Variants in DNAH2 observed in about 807,000 individuals in gnomAD.
DNAH2 encodes the protein axonemal beta dynein heavy chain 2.
DNAH2 carries 323 observed loss-of-function variants against 523.5 expected under a neutral mutation model. That is an observed-to-expected ratio of 0.62 (90% CI 0.56 to 0.68). The LOEUF (loss-of-function observed/expected upper bound fraction) is 0.68, where lower values mean the gene tolerates loss of function less well. DNAH2 is among the 30% of genes least tolerant of loss of function. DNAH2 has a pLI of 0.00. For missense variants in DNAH2, 4,907 were observed against 5,701.5 expected (o/e 0.86, Z 4.49); for synonymous variants, 2,093 against 2,177.4 (o/e 0.96, Z 1.08).
At chr17:7,734,746 A>C in intron 7 of DNAH2, 38 bp downstream of exon 7, 1 of 1,599,522 alleles carries the variant, frequency 6.3e-7, no homozygotes, top group Non-Finnish European at 8.6e-7. Flanking sequence ...CTCAGCAAGA[A>C]GTGGGCAATG....
intron 4 of DNAH2, among the ~76,000 whole-genome samples, chr17:7,728,241 G>A (rs998445469): frequency 3.9e-5 from 6 of 152,254 alleles, no homozygotes; most frequent in Middle Eastern, 3.4e-3. Context: ...GGTAGAATCT[G>A]GGTGGTGGTC....
rs1474814390 is a variant in DNAH2 at position 7,804,892 on chromosome 17, A to G, written c.9184-66A>G. 2.9e-6 allele frequency: 4 copies of G among 1,363,992 alleles called. No homozygotes were observed. The African/African-American group carries it at 4.4e-5, about 15-fold the overall frequency. The allele number at this position is 1,363,992 out of a possible 1,614,324, so 84.5% of individuals were successfully genotyped here. A position where few individuals can be genotyped will look rare whatever the true frequency, so the allele number is the denominator to read the frequency against. On this transcript the variant is annotated intron_variant, in intron 59 of 85. Transcript: ENST00000572933. ...AGCTTTCTCTTTCATCTTTTCCACC[A>G]ACACCGTCACTCCCACCTTTGCCCA...
At position 7,759,612 on chromosome 17, in the gene DNAH2, T is replaced by C; in HGVS notation, c.2637+2T>C. ...GATCTGCAAGGAAGTGTGGCACAGG[T>C]AAGAACCACTTTGCCCCCAACATCT... On this transcript the variant is annotated splice_donor_variant, in intron 16 of 85. Coordinates refer to ENST00000572933, the MANE Select transcript of DNAH2 (RefSeq NM_020877.5). LOFTEE classifies it high-confidence loss of function. 1 of 1,612,608 alleles carries C rather than the reference T, an allele frequency of 6.2e-7. No individual in the cohort carries two copies. The highest frequency in any genetic ancestry group is 8.5e-7 in the Non-Finnish European group (1 of 1,179,142).
rs768892434 is a variant in DNAH2 at position 7,770,903 on chromosome 17, C to T, written c.4332C>T (p.Leu1444=). ...SLILEVIEMI[L]TVQRQWMYLE... ...TTTTGGAGGTTATTGAGATGATTCT[C>T]ACAGTGCAGCGTCAGTGGATGTACT... Residue 1444 remains leucine, a synonymous_variant, in exon 27 of 86, where the codon CTC becomes CTT. Transcript: ENST00000572933. The T allele has an allele frequency of 2.5e-5, 41 of 1,613,932 alleles. No individual in the cohort carries two copies. The South Asian group carries it at 3.3e-4, about 13-fold the overall frequency.
In DNAH2 at chr17:7,740,429, C is replaced by T. The variant is rs1235248997; in HGVS notation, c.1386C>T (p.Ala462=). 4.3e-6 allele frequency: 7 copies of T among 1,614,138 alleles called. No individual in the cohort carries two copies. In the South Asian group the frequency reaches 5.5e-5, roughly 13 times the overall value. The change falls in exon 10 of 86, where the codon GCC becomes GCT. Residue 462 remains alanine (A), a synonymous_variant. Coordinates refer to ENST00000572933, the MANE Select transcript of DNAH2 (RefSeq NM_020877.5). ...CTCTCCACCGGTGCAGGTTCCGTGC[C>T]GGAATCAAGGACCTGGAGGTGATGA... The part of the protein sequence containing the change: ...CWHEDYNKFR[A]GIKDLEVMTQ...
At chr17:7,776,695 TC>T in intron 31 of DNAH2, 83 bp from the exon 32 acceptor site, 1 of 1,094,876 alleles carries the variant, frequency 9.1e-7, no homozygotes, top group Non-Finnish European at 1.4e-6. Flanking sequence ...GGCACATGGT[TC>T]TTGAATTAGC....
intron 13 of DNAH2, 119 bp from the exon 14 acceptor site, chr17:7,758,376 C>A: frequency 7.7e-7 from 1 of 1,301,868 alleles, no homozygotes; most frequent in South Asian, 1.6e-5. Flanking sequence ...AGTCTAGAAT[C>A]TAGTCTAGAA....
rs536178873 is a variant in DNAH2 at position 7,793,757 on chromosome 17, C to A, written c.7570-497C>A. 3.9e-5 allele frequency among the ~76,000 whole-genome samples: 6 copies of A among 152,032 alleles called. No homozygotes were observed. In the South Asian group the frequency reaches 1.2e-3, roughly 32 times the overall value. On this transcript the variant is annotated intron_variant, in intron 48 of 85. Coordinates refer to ENST00000572933, the MANE Select transcript of DNAH2 (RefSeq NM_020877.5). ...TGGCATTACAGGCCTGAGCCATGCT[C>A]CCGGCTGCTTCTCTTTAATCAGCGG...
At chr17:7,767,710 A>AT (rs1392065356) in intron 22 of DNAH2, among the ~76,000 whole-genome samples, 190 bp from the exon 23 acceptor site, 3 of 149,462 alleles carry the variant, frequency 2.0e-5, no homozygotes, top group African/African-American at 7.4e-5. Context: ...GACATTGAGG[A>AT]TTTTTTCATG....
chr17:7,800,397 C>A (rs547300668), intron 56 of DNAH2, among the ~76,000 whole-genome samples: 1 of 152,072 alleles, frequency 6.6e-6, no homozygotes, highest in Non-Finnish European at 1.5e-5. Flanking sequence ...GCGTATTGTC[C>A]TCAAGGTTCA....
Position 7,821,094 on chromosome 17 carries a change from T to C in DNAH2, c.11016-149T>C. 2.8e-6 allele frequency: 3 copies of C among 1,083,752 alleles called. No homozygotes were observed. Among genetic ancestry groups the C allele is most frequent in the South Asian group, 1.9e-5 (1 of 53,302 alleles). The allele number at this position is 1,083,752 out of a possible 1,614,324, so 67.1% of individuals were successfully genotyped here. A position where few individuals can be genotyped will look rare whatever the true frequency, so the allele number is the denominator to read the frequency against. ...TGGGAAATTCTTGTGTCTAGGCCCC[T>C]GAGTCCTCAGCTGTTTCCAGGAGGT... On this transcript the variant is annotated intron_variant, in intron 72 of 85. Coordinates refer to ENST00000572933, the MANE Select transcript of DNAH2 (RefSeq NM_020877.5). This position sits in a 1 kb window ranked among gnomAD's most constrained non-coding sequence, Gnocchi z 5.0.
chr17:7,826,093 C>T (rs2078010173), intron 77 of DNAH2, among the ~76,000 whole-genome samples: 2 of 152,224 alleles, frequency 1.3e-5, no homozygotes, highest in African/African-American at 4.8e-5. Context: ...TGTTACACTG[C>T]AGCCTGGGCT....
Position 7,818,677 on chromosome 17 carries a change from G to A in DNAH2, c.10571G>A (p.Arg3524Gln), listed in dbSNP as rs116984006. The change falls in exon 70 of 86, where the codon CGG (arginine) becomes CAG (glutamine). Residue 3524 changes from arginine to glutamine, a missense_variant. By Grantham distance (43) the Arg-to-Gln change is conservative. Coordinates refer to ENST00000572933, the MANE Select transcript of DNAH2 (RefSeq NM_020877.5). ...LEAQLLGIVV[R>Q]KERPELEEQK... ...GCCCAGCTGCTGGGCATTGTGGTGCGGAAGGAGCGGCCTGAGCTGGAGGAG... is the reference window on the plus strand; with the variant it reads ...GCCCAGCTGCTGGGCATTGTGGTGCAGAAGGAGCGGCCTGAGCTGGAGGAG... 2.8e-3 allele frequency: 4,481 copies of A among 1,614,058 alleles called. 4 individuals are homozygous for A. Among genetic ancestry groups the A allele is most frequent in the Non-Finnish European group, 3.6e-3 (4,277 of 1,180,012 alleles).
At chr17:7,743,276 T>C (rs1240347332) in intron 12 of DNAH2, 134 bp downstream of exon 12, 10 of 1,043,492 alleles carry the variant, frequency 9.6e-6, no homozygotes, top group Non-Finnish European at 1.4e-5. Flanking sequence ...ATCGTCATTT[T>C]ACTTTTTTTT....
rs370115996 is a variant in DNAH2, at chr17:7,792,383, C to T, written c.7145+40C>T. The T allele has an allele frequency of 2.0e-4, 320 of 1,593,794 alleles. 1 individual carries two copies. The highest frequency in any genetic ancestry group is 2.5e-4 in the Non-Finnish European group (287 of 1,162,204). ...TGGGTGTGAGGAGGGCATGGGGCAG[C>T]GGTAGGTGGGGGATGTGGCAAGAGA... On this transcript the variant is annotated intron_variant, in intron 46 of 85. Coordinates refer to ENST00000572933, the MANE Select transcript of DNAH2 (RefSeq NM_020877.5).
intron 63 of DNAH2, among the ~76,000 whole-genome samples, chr17:7,810,312 G>A (rs1219791505): frequency 6.6e-6 from 1 of 151,974 alleles, no homozygotes; most frequent in Admixed American, 6.6e-5. Flanking sequence ...TGATCCTCCT[G>A]CCTTGGCCTC....
chr17:7,723,391 G>C (rs1273848875), intron 2 of DNAH2, among the ~76,000 whole-genome samples: 2 of 147,110 alleles, frequency 1.4e-5, no homozygotes, highest in East Asian at 4.1e-4. Context: ...TCCTGCCTCA[G>C]CCTCCCAAGT....
intron 18 of DNAH2, 146 bp downstream of exon 18, chr17:7,761,078 T>C (rs2075992164): frequency 9.7e-7 from 1 of 1,030,570 alleles, no homozygotes; most frequent in South Asian, 1.7e-5. Flanking sequence ...ACCTAGGACA[T>C]TGGACCTTTG....
Position 7,804,947 on chromosome 17 carries a change from T to C in DNAH2, c.9184-11T>C, listed in dbSNP as rs1283002564. The C allele has an allele frequency of 6.2e-7, 1 of 1,612,086 alleles. No individual in the cohort carries two copies. Reference sequence around the variant, plus strand: ...AAAGACAAAAAACCCTTGTCCTTTTTTCATCCCTAGGCCGTAACAGCCAAC... The same window carrying C: ...AAAGACAAAAAACCCTTGTCCTTTTCTCATCCCTAGGCCGTAACAGCCAAC... On this transcript the variant is annotated splice_polypyrimidine_tract_variant and intron_variant, in intron 59 of 85. Transcript: ENST00000572933.
Sources: gnomAD v4.1 joint callset for allele counts (sites outside exome capture counted in the v4.1 genomes callset) on GRCh38, gnomAD v4.1.1 for gene constraint, Gnocchi (gnomAD v3.1) non-coding constraint, MANE v1.5 for transcripts, NCBI Gene and HGNC (gene_info 2026-07-23, HGNC 2026-07-21) for gene names.